DYNC1LI2: variants seen among roughly 807,000 people sequenced by gnomAD.
DYNC1LI2 encodes cytoplasmic dynein 1 light intermediate chain 2.
Under a neutral mutation model 57.8 loss-of-function variants are expected in DYNC1LI2, and 19 were observed. The ratio of observed to expected loss-of-function variants is 0.33; its 90% confidence interval spans 0.23 to 0.48. DYNC1LI2 has a LOEUF of 0.48. Ranked by LOEUF, DYNC1LI2 falls within the 20% of genes least tolerant of loss-of-function variation. The probability of loss-of-function intolerance (pLI) is 0.99; values close to 1 mark genes in which losing one functional copy is unlikely to be tolerated. For synonymous variants in DYNC1LI2, 256 were observed against 233.4 expected (o/e 1.10, Z -0.88); for missense variants, 470 against 604.2 (o/e 0.78, Z 2.33).
chr16:66,748,802 C>G (rs2017986453), intron 3 of DYNC1LI2, among the ~76,000 whole-genome samples: 1 of 152,186 alleles, frequency 6.6e-6, no homozygotes, highest in Non-Finnish European at 1.5e-5. Flanking sequence ...TTGTTACACT[C>G]TAAACCACAC....
intron 6 of DYNC1LI2, chr16:66,732,807 T>TA (rs1278889058): frequency 5.5e-6 from 1 of 181,880 alleles, no homozygotes; most frequent in African/African-American, 2.3e-5. Flanking sequence ...TCCTGAGAAG[T>TA]AAAGTATTGG....
rs751898120 is a variant in DYNC1LI2 at position 66,723,659 on chromosome 16, G to A, written c.*63C>T. 3.4e-6 allele frequency: 5 copies of A among 1,466,062 alleles called. No homozygotes were observed. The highest frequency in any genetic ancestry group is 4.6e-6 in the Non-Finnish European group (5 of 1,075,952). The allele number at this position is 1,466,062 out of a possible 1,614,324, so 90.8% of individuals were successfully genotyped here. On this transcript the variant is annotated 3_prime_UTR_variant, in exon 13 of 13. Coordinates refer to ENST00000258198, the MANE Select transcript of DYNC1LI2 (RefSeq NM_006141.3). ...GCATGTGCCATATCAGAAAAATCCT[G>A]GTCTTAGCAGATCAATATACATAGT...
At chr16:66,749,352 T>C (rs754996340) in intron 2 of DYNC1LI2, 39 bp from the exon 3 acceptor site, 3 of 1,599,134 alleles carry the variant, frequency 1.9e-6, no homozygotes, top group East Asian at 4.5e-5. Flanking sequence ...GTACTGTTTA[T>C]TCCGGGCAAG....
At chr16:66,728,334 G>A (rs2017572887) in intron 9 of DYNC1LI2, 92 bp from the exon 10 acceptor site, 2 of 1,442,682 alleles carry the variant, frequency 1.4e-6, no homozygotes, top group Admixed American at 3.7e-5. Context: ...CTCCACTAGA[G>A]GGCACTATTA....
Position 66,728,262 on chromosome 16 carries a change from C to A in DYNC1LI2, c.1102-20G>T, listed in dbSNP as rs568568265. The A allele has an allele frequency of 1.5e-5, 24 of 1,613,992 alleles. No homozygotes were observed. In the South Asian group the frequency reaches 2.0e-4, roughly 13 times the overall value. Reference sequence around the variant, plus strand: ...GAGTGACTGCAAAGAGAGGGACAAACTGGCTATTAACCAAGGCCTGCAGAG... The same window carrying A: ...GAGTGACTGCAAAGAGAGGGACAAAATGGCTATTAACCAAGGCCTGCAGAG... On this transcript the variant is annotated intron_variant, in intron 9 of 12. Coordinates refer to ENST00000258198, the MANE Select transcript of DYNC1LI2 (RefSeq NM_006141.3).
At chr16:66,727,441 A>C (rs1279584171) in intron 11 of DYNC1LI2, among the ~76,000 whole-genome samples, 1 of 152,192 alleles carries the variant, frequency 6.6e-6, no homozygotes, top group Admixed American at 6.5e-5. Flanking sequence ...GCAGGGCCTA[A>C]GTGAGGTCTC....
At chr16:66,727,893 T>C in intron 10 of DYNC1LI2, 88 bp from the exon 11 acceptor site, 1 of 1,203,708 alleles carries the variant, frequency 8.3e-7, no homozygotes, top group Non-Finnish European at 1.2e-6. Flanking sequence ...TTCTGAGGGA[T>C]ATTTTTCACA....
At chr16:66,733,485 CAT>C in intron 6 of DYNC1LI2, 1 of 152,328 alleles carries the variant, frequency 6.6e-6, no homozygotes, top group Admixed American at 6.5e-5. Flanking sequence ...GGGTGGATCA[CAT>C]GAGGTCAGGA....
chr16:66,725,407 G>T (rs1804953781), intron 12 of DYNC1LI2, among the ~76,000 whole-genome samples: 4 of 152,064 alleles, frequency 2.6e-5, no homozygotes, highest in Non-Finnish European at 4.4e-5. Context: ...CTTGAACCTG[G>T]GAGGCGGAGG....
chr16:66,725,973 A>G (rs1164677029), intron 11 of DYNC1LI2, 29 bp from the exon 12 acceptor site: 1 of 1,602,790 alleles, frequency 6.2e-7, no homozygotes, highest in East Asian at 2.2e-5. Flanking sequence ...AAAAAAAAGC[A>G]TCATATAAAC....
intron 12 of DYNC1LI2, 117 bp downstream of exon 12, chr16:66,725,710 CT>C: frequency 1.0e-6 from 1 of 995,064 alleles, no homozygotes. Flanking sequence ...AAATGAAGAC[CT>C]GCTTCCTTGC....
chr16:66,730,006 C>T (rs2017606847), intron 8 of DYNC1LI2, 106 bp downstream of exon 8: 1 of 877,642 alleles, frequency 1.1e-6, no homozygotes, highest in Non-Finnish European at 1.7e-6. Context: ...GTCTCAAACT[C>T]CTGACCTCAT....
intron 8 of DYNC1LI2, among the ~76,000 whole-genome samples, chr16:66,729,782 T>C (rs1193326709): frequency 6.6e-6 from 1 of 151,274 alleles, no homozygotes; most frequent in Non-Finnish European, 1.5e-5. Context: ...CTAAACCCTT[T>C]TTCTTCTTTT....
intron 3 of DYNC1LI2, among the ~76,000 whole-genome samples, chr16:66,743,199 C>CAA (rs71378410): frequency 7.3e-5 from 11 of 151,078 alleles, no homozygotes; most frequent in East Asian, 1.9e-4. Flanking sequence ...ACAAAACAAA[C>CAA]AAAAAAAACT....
intron 3 of DYNC1LI2, among the ~76,000 whole-genome samples, chr16:66,746,274 A>G (rs1326218462): frequency 6.6e-6 from 1 of 152,176 alleles, no homozygotes; most frequent in Non-Finnish European, 1.5e-5. Flanking sequence ...CACGTGTAGC[A>G]TTAAACAGAT....
Position 66,751,189 on chromosome 16 carries a change from A to G in DYNC1LI2, c.181+84T>C. 1 of 1,454,486 alleles carries G rather than the reference A, an allele frequency of 6.9e-7. No individual in the cohort carries two copies. The highest frequency in any genetic ancestry group is 9.3e-7 in the Non-Finnish European group (1 of 1,075,742). The allele number at this position is 1,454,486 out of a possible 1,614,324, so 90.1% of individuals were successfully genotyped here. On this transcript the variant is annotated intron_variant, in intron 2 of 12. Coordinates refer to ENST00000258198, the MANE Select transcript of DYNC1LI2 (RefSeq NM_006141.3). This position sits in a 1 kb window ranked among gnomAD's most constrained non-coding sequence, Gnocchi z 5.2. ...GCCAGGCTGCGGGCAGGCGGCTGGA[A>G]CGGGGAAGGCGGGGACCTGAGGGAG...
chr16:66,725,036 T>C (rs928525610), intron 12 of DYNC1LI2, among the ~76,000 whole-genome samples: 3 of 151,532 alleles, frequency 2.0e-5, no homozygotes, highest in Non-Finnish European at 2.9e-5. Context: ...TAGCCGGATG[T>C]GGTGGCGCGT....
At position 66,751,308 on chromosome 16, in the gene DYNC1LI2, G is replaced by A; in HGVS notation, c.146C>T (p.Ser49Phe). 1 of 1,612,384 alleles carries A rather than the reference G, an allele frequency of 6.2e-7. No homozygotes were observed. ...GATGTTCTTGCCGGACGGCAGCTTG[G>A]ACCTGGCGCGGGTGGACACTTCGCT... is the stretch of plus-strand genomic sequence containing the variant. ...ILSEVSTRARSKLPSGKNILV... is the reference protein window; with the variant it reads ...ILSEVSTRARFKLPSGKNILV... The change falls in exon 2 of 13, where the codon TCC becomes TTC. Residue 49 changes from serine to phenylalanine, a missense_variant. Coordinates refer to ENST00000258198, the MANE Select transcript of DYNC1LI2 (RefSeq NM_006141.3). The surrounding 1 kb of genome is among the most constrained non-coding windows in gnomAD (Gnocchi z 5.2).
chr16:66,749,144 GCAGT>G (rs1447838158), intron 3 of DYNC1LI2, 49 bp downstream of exon 3: 6 of 1,560,466 alleles, frequency 3.8e-6, no homozygotes, highest in African/African-American at 2.7e-5. Context: ...ACCCAAGGAA[GCAGT>G]CAGAGTCCTG....
Sources: gnomAD v4.1 joint callset for allele counts (sites outside exome capture counted in the v4.1 genomes callset) on GRCh38, gnomAD v4.1.1 for gene constraint, Gnocchi (gnomAD v3.1) non-coding constraint, MANE v1.5 for transcripts, NCBI Gene and HGNC (gene_info 2026-07-23, HGNC 2026-07-21) for gene names.